PLCB1: variants seen among roughly 807,000 people sequenced by gnomAD.
PLCB1 encodes the protein phospholipase C beta 1, also known as 1-phosphatidylinositol 4,5-bisphosphate phosphodiesterase beta-1.
Under a neutral mutation model 161.8 loss-of-function variants are expected in PLCB1, and 46 were observed. The observed-to-expected ratio is 0.28, with a 90% CI of 0.22 to 0.36. PLCB1 has a LOEUF of 0.36. PLCB1 is among the 10% of genes least tolerant of loss of function. The probability of loss-of-function intolerance (pLI) is 1.00; values close to 1 mark genes in which losing one functional copy is unlikely to be tolerated. For synonymous variants in PLCB1, 517 were observed against 503.7 expected (o/e 1.03, Z -0.35); for missense variants, 1,016 against 1,472.5 (o/e 0.69, Z 5.07).
chr20:8,529,773 G>A (rs1297142247), intron 3 of PLCB1, among the ~76,000 whole-genome samples: 17 of 151,988 alleles, frequency 1.1e-4, no homozygotes, highest in Admixed American at 7.9e-4. Flanking sequence ...GTACGTTTCT[G>A]TGCTGATTAC....
At chr20:8,655,802 T>G (rs193251252) in intron 7 of PLCB1, among the ~76,000 whole-genome samples, 2 of 152,124 alleles carry the variant, frequency 1.3e-5, no homozygotes, top group African/African-American at 4.8e-5. Context: ...TTTTAAATAT[T>G]TCTCTTCCTT....
At chr20:8,288,140 G>C (rs936370471) in intron 2 of PLCB1, among the ~76,000 whole-genome samples, 3 of 152,132 alleles carry the variant, frequency 2.0e-5, no homozygotes, top group African/African-American at 4.8e-5. Context: ...GAACTTGAAG[G>C]CTGTGTTTTA....
chr20:8,395,021 T>C (rs1174219901), intron 3 of PLCB1, among the ~76,000 whole-genome samples: 1 of 152,170 alleles, frequency 6.6e-6, no homozygotes, highest in African/African-American at 2.4e-5. Flanking sequence ...TTTCTATGAA[T>C]GTTAATTAAA....
chr20:8,540,284 A>G (rs1301534169), intron 3 of PLCB1, among the ~76,000 whole-genome samples: 1 of 152,184 alleles, frequency 6.6e-6, no homozygotes, highest in Admixed American at 6.5e-5. Flanking sequence ...CATCTCATCT[A>G]GAAAGCAGGG....
At chr20:8,470,270 C>T (rs1370135067) in intron 3 of PLCB1, among the ~76,000 whole-genome samples, 1 of 152,078 alleles carries the variant, frequency 6.6e-6, no homozygotes, top group Admixed American at 6.6e-5. Context: ...TTTCATGTAT[C>T]TTTGGTATAT....
intron 3 of PLCB1, among the ~76,000 whole-genome samples, chr20:8,525,106 C>A (rs941659417): frequency 4.6e-5 from 7 of 151,932 alleles, no homozygotes; most frequent in African/African-American, 1.5e-4. Flanking sequence ...TTTTACAAAG[C>A]CTTCCAATGT....
At chr20:8,590,200 G>T (rs1286298742) in intron 3 of PLCB1, among the ~76,000 whole-genome samples, 1 of 152,156 alleles carries the variant, frequency 6.6e-6, no homozygotes. Flanking sequence ...CATCCTTGAA[G>T]AATTCCTGTT....
chr20:8,513,985 C>T lies in PLCB1; in HGVS notation c.247-114309C>T, dbSNP rs146306080. ...AGGCTGCAGTGAGCCAAGATCATGC[C>T]ACCCCATTCCAGCCTGGACAACACA... On this transcript the variant is annotated intron_variant, in intron 3 of 31. Transcript: ENST00000338037. 2.5e-3 allele frequency among the ~76,000 whole-genome samples: 374 copies of T among 151,960 alleles called. 3 individuals are homozygous for T. The highest frequency in any genetic ancestry group is 8.7e-3 in the African/African-American group (362 of 41,412).
intron 2 of PLCB1, among the ~76,000 whole-genome samples, chr20:8,187,568 ATCTCTCCACT>A (rs1416178403): frequency 3.9e-5 from 6 of 152,146 alleles, no homozygotes; most frequent in African/African-American, 1.4e-4. Flanking sequence ...ACTGGCAGGT[ATCTCTCCACT>A]TCCTAGAGTT....
intron 7 of PLCB1, among the ~76,000 whole-genome samples, chr20:8,656,864 T>C (rs1989474474): frequency 6.6e-6 from 1 of 150,638 alleles, no homozygotes; most frequent in East Asian, 1.9e-4. Flanking sequence ...TTAGAAAATG[T>C]ATATAGGAAA....
chr20:8,800,179 G>A (rs1473009261), intron 31 of PLCB1, among the ~76,000 whole-genome samples: 1 of 152,184 alleles, frequency 6.6e-6, no homozygotes, highest in East Asian at 1.9e-4. Flanking sequence ...AGAAAACACT[G>A]AAGAAATTTT....
intron 3 of PLCB1, among the ~76,000 whole-genome samples, chr20:8,521,439 C>T (rs1035488541): frequency 7.9e-5 from 12 of 152,116 alleles, no homozygotes; most frequent in African/African-American, 2.9e-4. Context: ...TAGGGTGGCT[C>T]ATGTCTGTAA....
At chr20:8,647,078 T>C (rs1989189720) in intron 5 of PLCB1, among the ~76,000 whole-genome samples, 1 of 152,214 alleles carries the variant, frequency 6.6e-6, no homozygotes, top group Non-Finnish European at 1.5e-5. Context: ...TAAGGGCTTT[T>C]TTATGGGATC....
intron 3 of PLCB1, among the ~76,000 whole-genome samples, chr20:8,399,210 C>T (rs1167075239): frequency 1.3e-5 from 2 of 150,864 alleles, no homozygotes; most frequent in African/African-American, 4.9e-5. Context: ...GTTCTTTTGT[C>T]CCAACACTAT....
intron 31 of PLCB1, among the ~76,000 whole-genome samples, chr20:8,808,046 G>A (rs1196864533): frequency 6.6e-6 from 1 of 152,082 alleles, no homozygotes; most frequent in Non-Finnish European, 1.5e-5. Flanking sequence ...AGACCTAGAG[G>A]AGCAGATAAG....
chr20:8,451,722 C>T (rs1981083415), intron 3 of PLCB1, among the ~76,000 whole-genome samples: 1 of 152,090 alleles, frequency 6.6e-6, no homozygotes, highest in African/African-American at 2.4e-5. Flanking sequence ...TTCGTTTCCT[C>T]CTTTTTCCTC....
chr20:8,347,344 T>G (rs895542461), intron 2 of PLCB1, among the ~76,000 whole-genome samples: 1 of 152,194 alleles, frequency 6.6e-6, no homozygotes, highest in Non-Finnish European at 1.5e-5. Context: ...GTAAGGGAGC[T>G]TTACAAAGGT....
intron 2 of PLCB1, among the ~76,000 whole-genome samples, chr20:8,344,752 T>G (rs1985936901): frequency 6.6e-6 from 1 of 152,210 alleles, no homozygotes; most frequent in Non-Finnish European, 1.5e-5. Context: ...GTGGTGTAAC[T>G]CACAAAGGCA....
chr20:8,442,340 A>T (rs369552651), intron 3 of PLCB1, among the ~76,000 whole-genome samples: 2 of 152,144 alleles, frequency 1.3e-5, no homozygotes, highest in Admixed American at 6.5e-5. Flanking sequence ...TGCTTCCAAG[A>T]TGGTTCCTCT....
Sources: gnomAD v4.1 joint callset for allele counts (sites outside exome capture counted in the v4.1 genomes callset) on GRCh38, gnomAD v4.1.1 for gene constraint, MANE v1.5 for transcripts, NCBI Gene and HGNC (gene_info 2026-07-23, HGNC 2026-07-21) for gene names.